Variants in TNRC6C observed in about 807,000 individuals in gnomAD.
The protein encoded by TNRC6C is trinucleotide repeat containing adaptor 6C.
Under a neutral mutation model 153.7 loss-of-function variants are expected in TNRC6C, and 20 were observed. That is an observed-to-expected ratio of 0.13 (90% CI 0.09 to 0.19). The LOEUF is 0.19. TNRC6C is among the 10% of genes least tolerant of loss of function. The pLI, the probability that TNRC6C is intolerant of heterozygous loss-of-function variation, is 1.00. For synonymous variants in TNRC6C, 811 were observed against 841.4 expected, an observed-to-expected ratio of 0.96 and a Z score of 0.63; for missense variants, 1,987 against 2,172.0, an observed-to-expected ratio of 0.91 and a Z score of 1.69.
chr17:78,083,270 A>T, intron 11 of TNRC6C, 104 bp downstream of exon 13: 1 of 1,480,174 alleles, frequency 6.8e-7, no homozygotes, highest in South Asian at 1.2e-5. Context: ...CACGTCAGGG[A>T]TGTCATTGAG....
chr17:77,979,098 G>A (rs1203886167), intron 1 of TNRC6C, among the ~76,000 whole-genome samples: 1 of 152,172 alleles, frequency 6.6e-6, no homozygotes, highest in African/African-American at 2.4e-5. Context: ...TTAAGGTAAT[G>A]TTGATAAATA....
intron 11 of TNRC6C, among the ~76,000 whole-genome samples, chr17:78,085,923 C>G (rs2073272564): frequency 6.6e-6 from 1 of 151,722 alleles, no homozygotes; most frequent in Non-Finnish European, 1.5e-5. Flanking sequence ...TATTTGCTGA[C>G]CAACATCATC....
At chr17:77,958,463 C>T (rs370538462), upstream of TNRC6C, among the ~76,000 whole-genome samples, 1 of 151,626 alleles carries the variant, frequency 6.6e-6, no homozygotes, top group East Asian at 2.0e-4. Flanking sequence ...ACAGCGCGGG[C>T]GGGTATTAAG....
At chr17:78,076,926 A>T (rs1442542481) in intron 8 of TNRC6C, among the ~76,000 whole-genome samples, 1 of 152,258 alleles carries the variant, frequency 6.6e-6, no homozygotes, top group Non-Finnish European at 1.5e-5. Context: ...TACCTGAGGC[A>T]GGGCCAATAG....
chr17:78,045,851 AATAAT>A (rs2072398201), intron 2 of TNRC6C, among the ~76,000 whole-genome samples: 1 of 151,766 alleles, frequency 6.6e-6, no homozygotes, highest in African/African-American at 2.4e-5. Context: ...GTATATAGAA[AATAAT>A]ATAACTGTGT....
chr17:78,087,038 C>G lies in TNRC6C; in HGVS notation c.3747C>G (p.Asp1249Glu), dbSNP rs754758856. ...ACCCACAGACTCCCGGCCTACCTGA[C>G]CTGCAGACCAAAGAGCAGCAGTCTT... Residue 1249 changes from aspartate to glutamate, a missense_variant, in exon 13 of 20, where the codon GAC becomes GAG. This residue lies in a region of TNRC6C where 765 missense variants were observed against 908.6 expected (regional missense o/e 0.84). Coordinates refer to ENST00000301624, the Ensembl canonical transcript of TNRC6C. 7 of 1,613,872 alleles carry G rather than the reference C, an allele frequency of 4.3e-6. No individual in the cohort carries two copies. The Admixed American group carries it at 1.0e-4, about 23-fold the overall frequency.
chr17:78,000,262 A>G (rs912085885), upstream of TNRC6C, among the ~76,000 whole-genome samples: 7 of 152,218 alleles, frequency 4.6e-5, no homozygotes, highest in African/African-American at 1.7e-4. Context: ...GTTTCTTTCC[A>G]TAGTCTATAT....
At chr17:77,989,436 A>G (rs1159382509) in intron 1 of TNRC6C, among the ~76,000 whole-genome samples, 1 of 152,242 alleles carries the variant, frequency 6.6e-6, no homozygotes, top group Non-Finnish European at 1.5e-5. Flanking sequence ...CAACTGTCAT[A>G]TACATTCAGG....
chr17:78,096,084 T>G (rs1407938467), intron 16 of TNRC6C, among the ~76,000 whole-genome samples: 1 of 152,136 alleles, frequency 6.6e-6, no homozygotes, highest in African/African-American at 2.4e-5. Flanking sequence ...GCGCTGGGAT[T>G]ACATGCGTGA....
chr17:78,034,198 C>T (rs550776258), intron 2 of TNRC6C, among the ~76,000 whole-genome samples: 3 of 152,100 alleles, frequency 2.0e-5, no homozygotes, highest in Non-Finnish European at 4.4e-5. Flanking sequence ...GCTGGGATTA[C>T]AGGCGACCAC....
At chr17:78,090,278 G>A (rs766867485) in intron 13 of TNRC6C, among the ~76,000 whole-genome samples, 4 of 152,152 alleles carry the variant, frequency 2.6e-5, no homozygotes, top group Non-Finnish European at 4.4e-5. Context: ...TGTTTATTTA[G>A]ACAGGACAGA....
At chr17:77,998,363 T>G (rs887711308) in intron 1 of TNRC6C, among the ~76,000 whole-genome samples, 4 of 152,262 alleles carry the variant, frequency 2.6e-5, no homozygotes, top group Non-Finnish European at 4.4e-5. Flanking sequence ...GACTTATAAA[T>G]TTATGTATAT....
chr17:78,020,621 A>C (rs1005103295), intron 1 of TNRC6C, among the ~76,000 whole-genome samples: 2 of 152,248 alleles, frequency 1.3e-5, no homozygotes. Flanking sequence ...TGTGAGCCAC[A>C]TGAATCATTT....
intron 17 of TNRC6C, 61 bp downstream of exon 20, chr17:78,098,598 A>C: frequency 6.5e-7 from 1 of 1,539,938 alleles, no homozygotes; most frequent in Non-Finnish European, 8.8e-7. Context: ...TGTGCTTATC[A>C]CTTTGTCCTG....
upstream of TNRC6C, among the ~76,000 whole-genome samples, chr17:78,001,420 G>A (rs533259469): frequency 6.6e-6 from 1 of 152,280 alleles, no homozygotes; most frequent in Admixed American, 6.5e-5. Flanking sequence ...CAGCAGAGCT[G>A]GATAGGACAG....
intron 2 of TNRC6C, among the ~76,000 whole-genome samples, chr17:78,040,557 GT>G (rs1174766260): frequency 6.6e-6 from 1 of 152,164 alleles, no homozygotes; most frequent in Admixed American, 6.5e-5. Context: ...CATGCCAAAT[GT>G]TTAGGAGTTG....
rs145176466 is a variant in TNRC6C, at chr17:78,084,377, AC to A, written c.3477+1213del. 5.2e-3 allele frequency among the ~76,000 whole-genome samples: 793 copies of A among 151,450 alleles called. 4 individuals carry two copies. Among genetic ancestry groups the A allele is most frequent in the African/African-American group, 0.018 (761 of 41,326 alleles). On this transcript the variant is annotated intron_variant, in intron 11 of 19. Transcript: ENST00000301624. The stretch of plus-strand genomic sequence containing the variant: ...CAAAAGACAGAACCATTGGCATAAA[AC>A]CTTTGCTAATGAGAGAGTACCTCAG...
At chr17:78,036,497 A>C (rs1335878981) in intron 2 of TNRC6C, among the ~76,000 whole-genome samples, 1 of 152,140 alleles carries the variant, frequency 6.6e-6, no homozygotes, top group African/African-American at 2.4e-5. Context: ...AAAATTAAAC[A>C]ATAGAGGAGC....
intron 17 of TNRC6C, among the ~76,000 whole-genome samples, chr17:78,098,869 C>T (rs1024264018): frequency 7.2e-5 from 11 of 152,226 alleles, no homozygotes; most frequent in Non-Finnish European, 1.2e-4. Flanking sequence ...CAGAGGCCTG[C>T]ACAGCGCTTT....
Sources: allele counts gnomAD v4.1 joint callset (sites outside exome capture counted in the v4.1 genomes callset), GRCh38; gene constraint gnomAD v4.1.1; regional missense constraint gnomAD v4.1.1; transcripts MANE v1.5; gene names NCBI Gene and HGNC (gene_info 2026-07-23, HGNC 2026-07-21).